The following AGBL4 variants were observed in gnomAD, a reference collection of about 807,000 sequenced individuals.
AGBL4 encodes the protein AGBL carboxypeptidase 4.
Under a neutral mutation model 66.4 loss-of-function variants are expected in AGBL4, and 58 were observed. The observed-to-expected ratio is 0.87, with a 90% CI of 0.71 to 1.09. The LOEUF is 1.09. AGBL4 is among the 50% of genes least tolerant of loss of function. The probability of loss-of-function intolerance (pLI) is 0.00; values close to 1 mark genes in which losing one functional copy is unlikely to be tolerated. For missense variants in AGBL4, 579 were observed against 631.0 expected (o/e 0.92, Z 0.88); for synonymous variants, 234 against 222.9 (o/e 1.05, Z -0.44).
chr1:48,939,821 T>C (rs1191657730), intron 5 of AGBL4, among the ~76,000 whole-genome samples: 1 of 152,214 alleles, frequency 6.6e-6, no homozygotes, highest in Non-Finnish European at 1.5e-5. Context: ...ATGAACAGCT[T>C]CCTCATTTAG....
chr1:49,990,526 C>T lies in AGBL4; in HGVS notation c.34+33237G>A, dbSNP rs545686189. On this transcript the variant is annotated intron_variant, in intron 1 of 13. Transcript: ENST00000371839. ...CAGCCAGGCAAAACTGTGAGTCAAT[C>T]AAGCCTCTTTCCTTTGTAAATTCCC... is the stretch of plus-strand genomic sequence containing the variant. Among the ~76,000 whole-genome samples, 11 of 152,242 alleles carry T rather than the reference C, an allele frequency of 7.2e-5. No individual in the cohort carries two copies. In the East Asian group the frequency reaches 2.1e-3, roughly 29 times the overall value.
At chr1:49,093,912 A>G (rs1645044164) in intron 4 of AGBL4, among the ~76,000 whole-genome samples, 1 of 152,176 alleles carries the variant, frequency 6.6e-6, no homozygotes, top group South Asian at 2.1e-4. Context: ...TCATTTCATC[A>G]TAGGATAGAG....
chr1:49,604,410 T>C (rs2124187619), intron 3 of AGBL4, among the ~76,000 whole-genome samples: 1 of 152,342 alleles, frequency 6.6e-6, no homozygotes, highest in Middle Eastern at 3.4e-3. Context: ...ATTTACCCAC[T>C]TTTTATGGGG....
chr1:49,119,201 A>G (rs1002555382), intron 4 of AGBL4, among the ~76,000 whole-genome samples: 12 of 151,618 alleles, frequency 7.9e-5, no homozygotes, highest in Non-Finnish European at 1.3e-4. Context: ...ATCTCTTTCA[A>G]TTCTGCTCTG....
chr1:49,258,148 C>G (rs1304903656), intron 3 of AGBL4, among the ~76,000 whole-genome samples: 5 of 152,136 alleles, frequency 3.3e-5, no homozygotes, highest in Non-Finnish European at 7.4e-5. Context: ...CACCAAAAAC[C>G]CATCTGTACA....
At chr1:49,087,218 G>T (rs1188979819) in intron 4 of AGBL4, among the ~76,000 whole-genome samples, 1 of 152,134 alleles carries the variant, frequency 6.6e-6, no homozygotes, top group East Asian at 1.9e-4. Context: ...TAGTTCTCCA[G>T]CAATGGTTCT....
intron 6 of AGBL4, among the ~76,000 whole-genome samples, chr1:48,667,455 G>C (rs894538469): frequency 8.5e-5 from 13 of 152,338 alleles, no homozygotes; most frequent in African/African-American, 3.1e-4. Flanking sequence ...AGAGGATCCT[G>C]CAGTGTCCAG....
chr1:49,371,895 T>G (rs934960449), intron 3 of AGBL4, among the ~76,000 whole-genome samples: 7 of 151,446 alleles, frequency 4.6e-5, no homozygotes, highest in African/African-American at 1.7e-4. Flanking sequence ...ATTGTAACCC[T>G]GATGGTGTCT....
chr1:49,578,600 T>G (rs1644481740), intron 3 of AGBL4, among the ~76,000 whole-genome samples: 1 of 152,230 alleles, frequency 6.6e-6, no homozygotes, highest in African/African-American at 2.4e-5. Flanking sequence ...TATCTTCATT[T>G]TATTTCCTTT....
At chr1:49,788,290 G>A (rs1226202773) in intron 2 of AGBL4, among the ~76,000 whole-genome samples, 1 of 151,632 alleles carries the variant, frequency 6.6e-6, no homozygotes, top group Non-Finnish European at 1.5e-5. Context: ...TAATGTCAAG[G>A]TGATCAGCCA....
intron 6 of AGBL4, among the ~76,000 whole-genome samples, chr1:48,706,290 T>G (rs140885074): frequency 6.8e-4 from 104 of 152,110 alleles, no homozygotes; most frequent in African/African-American, 2.1e-3. Context: ...ATTTGAAAAA[T>G]AATAAAGTTT....
chr1:48,837,711 C>CTATATATATATACATA (rs1646714952), intron 6 of AGBL4, among the ~76,000 whole-genome samples: 1 of 82,298 alleles, frequency 1.2e-5, no homozygotes, highest in Non-Finnish European at 2.4e-5. Flanking sequence ...CACACACACA[C>CTATATATATATACATA]TATATATATA....
chr1:49,680,568 T>C (rs1646673360), intron 3 of AGBL4, among the ~76,000 whole-genome samples: 1 of 152,116 alleles, frequency 6.6e-6, no homozygotes, highest in Non-Finnish European at 1.5e-5. Context: ...GGTTCCATGA[T>C]CTCTTATTAT....
chr1:49,705,035 A>G (rs894919456), intron 2 of AGBL4, among the ~76,000 whole-genome samples: 2 of 152,102 alleles, frequency 1.3e-5, no homozygotes, highest in Non-Finnish European at 2.9e-5. Context: ...CATTTTCACA[A>G]TATTGATTCT....
At chr1:49,631,010 G>A (rs1199629622) in intron 3 of AGBL4, among the ~76,000 whole-genome samples, 1 of 152,144 alleles carries the variant, frequency 6.6e-6, no homozygotes, top group Non-Finnish European at 1.5e-5. Flanking sequence ...CTGTTGCCTT[G>A]CAGAGAAACA....
chr1:49,135,986 C>A (rs1646002636), intron 4 of AGBL4, among the ~76,000 whole-genome samples: 1 of 152,100 alleles, frequency 6.6e-6, no homozygotes, highest in African/African-American at 2.4e-5. Context: ...CTCCTGTAGG[C>A]TTTTCTATAT....
intron 3 of AGBL4, among the ~76,000 whole-genome samples, chr1:49,522,175 AT>A (rs879259516): frequency 6.6e-6 from 1 of 152,066 alleles, no homozygotes; most frequent in Admixed American, 6.5e-5. Context: ...ATTGAGTTAG[AT>A]TTTTTTTGTT....
chr1:48,579,930 A>G (rs7538461), intron 11 of AGBL4, among the ~76,000 whole-genome samples: 19,903 of 150,470 alleles, frequency 0.13, 1,562 homozygotes, highest in East Asian at 0.23. Context: ...AAAAAAAAAA[A>G]AAAAAAAGAA....
At chr1:48,571,460 G>A (rs1005336549) in intron 11 of AGBL4, among the ~76,000 whole-genome samples, 1 of 152,238 alleles carries the variant, frequency 6.6e-6, no homozygotes, top group African/African-American at 2.4e-5. Flanking sequence ...TCAGACAGCT[G>A]CGTGCTTGCA....
Sources: allele counts gnomAD v4.1 joint callset (sites outside exome capture counted in the v4.1 genomes callset), GRCh38; gene constraint gnomAD v4.1.1; transcripts MANE v1.5; gene names NCBI Gene and HGNC (gene_info 2026-07-23, HGNC 2026-07-21).